PELI2: variants seen among roughly 807,000 people sequenced by gnomAD.
PELI2 encodes E3 ubiquitin-protein ligase pellino homolog 2.
A neutral mutation model predicts 42.3 loss-of-function variants in PELI2; 23 were observed. That is an observed-to-expected ratio of 0.54 (90% CI 0.39 to 0.77). PELI2 has a LOEUF of 0.77. PELI2 is among the 30% of genes least tolerant of loss of function. The pLI is 0.00. For missense variants in PELI2, 463 were observed against 553.2 expected, an observed-to-expected ratio of 0.84 and a Z score of 1.64; for synonymous variants, 245 against 212.2, an observed-to-expected ratio of 1.15 and a Z score of -1.34.
chr14:56,139,476 A>G (rs528200904), intron 1 of PELI2, among the ~76,000 whole-genome samples: 59 of 152,154 alleles, frequency 3.9e-4, no homozygotes, highest in Non-Finnish European at 4.4e-5. Context: ...TATTGAACTG[A>G]CTTCTTTCCC....
chr14:56,232,303 CA>C (rs897637081), intron 2 of PELI2, among the ~76,000 whole-genome samples: 2 of 151,820 alleles, frequency 1.3e-5, no homozygotes, highest in Admixed American at 6.6e-5. Context: ...AGAGACACAA[CA>C]AAAAAAGAGA....
At chr14:56,261,297 GC>G (rs1242280973) in intron 2 of PELI2, among the ~76,000 whole-genome samples, 1 of 152,116 alleles carries the variant, frequency 6.6e-6, no homozygotes, top group Non-Finnish European at 1.5e-5. Context: ...CTCTGCCCCA[GC>G]TGACAGTTTT....
chr14:56,258,299 C>A (rs1442053945), intron 2 of PELI2, among the ~76,000 whole-genome samples: 2 of 151,434 alleles, frequency 1.3e-5, no homozygotes, highest in Non-Finnish European at 1.5e-5. Flanking sequence ...GCCCCCCCAC[C>A]CCCGCAAAAA....
Position 56,299,062 on chromosome 14 carries a change from T to C in PELI2, c.*1896T>C, listed in dbSNP as rs560637290. The stretch of plus-strand genomic sequence containing the variant: ...GTATGTCTTTTCAGCCTGTAATTCT[T>C]TGGGCCCCAAAGAATGACAAAGGAG... On this transcript the variant is annotated 3_prime_UTR_variant, in exon 6 of 6. Coordinates refer to ENST00000267460, the MANE Select transcript of PELI2 (RefSeq NM_021255.3). 3.3e-5 allele frequency: 5 copies of C among 152,322 alleles called. No homozygotes were observed. The highest frequency in any genetic ancestry group is 3.9e-4 in the East Asian group (2 of 5,176). 9.4% of individuals were successfully genotyped at this position (152,322 alleles called of 1,614,324 possible).
In PELI2 at chr14:56,279,744, G is replaced by A. The variant is rs769614161; in HGVS notation, c.276G>A (p.Glu92=). ...TLSRNQTVVV[E]YTHDKDTDMF... ...CAAGGAATCAGACTGTGGTGGTGGAGTACACACATGATAAGGATACGGATA... is the reference window on the plus strand; with the variant it reads ...CAAGGAATCAGACTGTGGTGGTGGAATACACACATGATAAGGATACGGATA... Residue 92 remains glutamate (E), a synonymous_variant, in exon 3 of 6, where the codon GAG becomes GAA. Transcript: ENST00000267460. 2 of 1,596,536 alleles carry A rather than the reference G, an allele frequency of 1.3e-6. No individual in the cohort carries two copies. Among genetic ancestry groups the A allele is most frequent in the South Asian group, 1.1e-5 (1 of 90,584 alleles).
intron 2 of PELI2, among the ~76,000 whole-genome samples, chr14:56,202,642 G>A (rs8016891): frequency 0.4 from 61,286 of 152,032 alleles, 13,063 homozygotes; most frequent in South Asian, 0.53. Flanking sequence ...GTGGGGAAGG[G>A]TGGGACTCAA....
intron 2 of PELI2, among the ~76,000 whole-genome samples, chr14:56,242,937 A>G (rs1263653889): frequency 6.6e-6 from 1 of 152,232 alleles, no homozygotes; most frequent in African/African-American, 2.4e-5. Flanking sequence ...CCACAATCCC[A>G]GAAATTACCA....
At chr14:56,182,187 G>A (rs1173448802) in intron 2 of PELI2, among the ~76,000 whole-genome samples, 2 of 151,972 alleles carry the variant, frequency 1.3e-5, no homozygotes, top group African/African-American at 4.8e-5. Context: ...TGGTGCGAGA[G>A]CTGTGAGCTG....
chr14:56,260,471 GGCAGT>G (rs1423049850), intron 2 of PELI2, among the ~76,000 whole-genome samples: 1 of 152,114 alleles, frequency 6.6e-6, no homozygotes, highest in Non-Finnish European at 1.5e-5. Context: ...GGGGGAGGCA[GGCAGT>G]TTCAGGGATT....
rs1278878764 is a variant in PELI2 at position 56,180,019 on chromosome 14, T to C, written c.207+1555T>C. Among the ~76,000 whole-genome samples, 2 of 152,214 alleles carry C rather than the reference T, an allele frequency of 1.3e-5. No individual in the cohort carries two copies. Among genetic ancestry groups the C allele is most frequent in the Admixed American group, 6.5e-5 (1 of 15,286 alleles). On this transcript the variant is annotated intron_variant, in intron 2 of 5. Transcript: ENST00000267460. The surrounding 1 kb of genome is among the most constrained non-coding windows in gnomAD (Gnocchi z 4.4). ...AGAAAAGTATCTCTTCTTTAATCTT[T>C]AGCCACTGCCATCTCCTCCCATTTT...
At chr14:56,195,239 A>G (rs992127847) in intron 2 of PELI2, among the ~76,000 whole-genome samples, 2 of 152,210 alleles carry the variant, frequency 1.3e-5, no homozygotes, top group African/African-American at 4.8e-5. Flanking sequence ...CTTCAAAAGC[A>G]TGCTTCTGGA....
At chr14:56,202,010 C>T (rs1311733735) in intron 2 of PELI2, among the ~76,000 whole-genome samples, 3 of 152,176 alleles carry the variant, frequency 2.0e-5, no homozygotes, top group Non-Finnish European at 2.9e-5. Flanking sequence ...AATTCTATTG[C>T]CCTGTTTGAC....
Position 56,296,678 on chromosome 14 carries a change from G to A in PELI2, c.775G>A (p.Asp259Asn), listed in dbSNP as rs1259420763. Residue 259 changes from aspartate to asparagine, a missense_variant, in exon 6 of 6, where the codon GAT becomes AAT. By Grantham distance (23) the Asp-to-Asn change is conservative. This residue lies in a region of PELI2 where 343 missense variants were observed against 378.4 expected (regional missense o/e 0.91). Coordinates refer to ENST00000267460, the MANE Select transcript of PELI2 (RefSeq NM_021255.3). The stretch of plus-strand genomic sequence containing the variant: ...GGCCACTCTCCTCTGGAGAACAGCA[G>A]ATGGGCTTTTTCATACTCCAACTCA... The part of the protein sequence containing the change: ...CGATLLWRTA[D>N]GLFHTPTQKH... 3 of 1,614,168 alleles carry A rather than the reference G, an allele frequency of 1.9e-6. No individual in the cohort carries two copies. The Admixed American group carries it at 5.0e-5, about 27-fold the overall frequency.
intron 1 of PELI2, among the ~76,000 whole-genome samples, chr14:56,126,517 C>T (rs1883270304): frequency 6.6e-6 from 1 of 152,190 alleles, no homozygotes; most frequent in African/African-American, 2.4e-5. Context: ...CTTATTAGTA[C>T]TGGTTTAACA....
At chr14:56,292,942 T>A in intron 5 of PELI2, 1 of 452,228 alleles carries the variant, frequency 2.2e-6, no homozygotes, top group Non-Finnish European at 2.9e-6. Flanking sequence ...TTTATTAAAC[T>A]AAACTGGCTT....
intron 2 of PELI2, among the ~76,000 whole-genome samples, chr14:56,261,314 C>T (rs772270069): frequency 1.3e-5 from 2 of 152,142 alleles, no homozygotes; most frequent in Non-Finnish European, 2.9e-5. Context: ...GTTTTGCTTA[C>T]GGCTTGTTTC....
rs1449435494 is a variant in PELI2, at chr14:56,118,609, C to CGCGGCGGAGGCG, written c.-45_-34dup. On this transcript the variant is annotated 5_prime_UTR_variant, in exon 1 of 6. Transcript: ENST00000267460. ...GCGGCGGCGCGGACTCGGCGGGGAT[C>CGCGGCGGAGGCG]GCGGCGGAGGCGGCGGCGTCGGCGG... 2.5e-6 allele frequency: 3 copies of CGCGGCGGAGGCG among 1,183,974 alleles called. No individual in the cohort carries two copies. The highest frequency in any genetic ancestry group is 4.2e-5 in the South Asian group (2 of 47,572). The allele number at this position is 1,183,974 out of a possible 1,614,324, so 73.3% of individuals were successfully genotyped here. A position where few individuals can be genotyped will look rare whatever the true frequency, so the allele number is the denominator to read the frequency against.
intron 2 of PELI2, among the ~76,000 whole-genome samples, chr14:56,214,481 T>G (rs1202526833): frequency 2.0e-5 from 3 of 152,200 alleles, no homozygotes; most frequent in Admixed American, 6.5e-5. Context: ...ATCCTTAATT[T>G]TAATCTCTCT....
intron 1 of PELI2, among the ~76,000 whole-genome samples, chr14:56,126,381 C>G (rs949495229): frequency 1.3e-5 from 2 of 152,238 alleles, no homozygotes; most frequent in African/African-American, 4.8e-5. Context: ...TTGAGGTTTT[C>G]TTTCTAGCCA....
Sources: allele counts gnomAD v4.1 joint callset (sites outside exome capture counted in the v4.1 genomes callset), GRCh38; gene constraint gnomAD v4.1.1; regional missense constraint gnomAD v4.1.1; non-coding constraint Gnocchi (gnomAD v3.1); transcripts MANE v1.5; gene names NCBI Gene and HGNC (gene_info 2026-07-23, HGNC 2026-07-21).